The following DIAPH2 variants were observed in gnomAD, a reference collection of about 807,000 sequenced individuals.
DIAPH2 encodes protein diaphanous homolog 2.
Under a neutral mutation model 92.7 loss-of-function variants are expected in DIAPH2, and 35 were observed. That is an observed-to-expected ratio of 0.38 (90% CI 0.29 to 0.50). The LOEUF (loss-of-function observed/expected upper bound fraction) is 0.50. Ranked by LOEUF, DIAPH2 falls within the 20% of genes least tolerant of loss-of-function variation. The pLI is 0.94. For missense variants in DIAPH2, 701 were observed against 819.5 expected, an observed-to-expected ratio of 0.86 and a Z score of 1.77; for synonymous variants, 301 against 280.4, an observed-to-expected ratio of 1.07 and a Z score of -0.73.
At chrX:97,503,762 A>G (rs987197951) in intron 26 of DIAPH2, among the ~76,000 whole-genome samples, 1 of 112,128 alleles carries the variant, frequency 8.9e-6, no homozygotes, top group Non-Finnish European at 1.9e-5. Flanking sequence ...GAGCACATAT[A>G]GACCAGAAAG....
chrX:97,377,655 A>C (rs2069513278), intron 24 of DIAPH2, among the ~76,000 whole-genome samples: 2 of 111,555 alleles, frequency 1.8e-5, no homozygotes, highest in South Asian at 7.6e-4. Context: ...TTTAAACTAG[A>C]TCTCCCAGCC....
intron 9 of DIAPH2, among the ~76,000 whole-genome samples, chrX:96,926,740 A>G (rs941832609): frequency 8.1e-5 from 9 of 111,657 alleles, no homozygotes; most frequent in African/African-American, 2.9e-4. Flanking sequence ...TAGGATATAT[A>G]TGCATCTCAT....
chrX:97,166,947 T>C (rs912393506), intron 22 of DIAPH2, among the ~76,000 whole-genome samples: 4 of 112,568 alleles, frequency 3.6e-5, no homozygotes, highest in Non-Finnish European at 5.6e-5. Context: ...TAAACAGAAT[T>C]GTAAAATATG....
chrX:97,210,083 T>C (rs964089391), intron 22 of DIAPH2, among the ~76,000 whole-genome samples: 4 of 111,683 alleles, frequency 3.6e-5, no homozygotes, highest in Non-Finnish European at 7.5e-5. Flanking sequence ...TTTGTAATTA[T>C]ACTATAATAA....
intron 26 of DIAPH2, among the ~76,000 whole-genome samples, chrX:97,534,029 T>C (rs2071079038): frequency 9.0e-6 from 1 of 111,405 alleles, no homozygotes. Context: ...TCAATACTTA[T>C]GTTCACAGTC....
At chrX:97,049,623 A>T (rs1254114883) in intron 17 of DIAPH2, among the ~76,000 whole-genome samples, 1 of 111,508 alleles carries the variant, frequency 9.0e-6, no homozygotes, top group African/African-American at 3.2e-5. Context: ...TATTGAAGAA[A>T]CTAATTTCTA....
chrX:97,270,739 C>T (rs2068379662), intron 23 of DIAPH2, among the ~76,000 whole-genome samples: 2 of 111,249 alleles, frequency 1.8e-5, no homozygotes, highest in South Asian at 3.8e-4. Context: ...AACTTCCACC[C>T]ATTGATCCTA....
At chrX:96,740,800 A>G (rs1167827433) in intron 3 of DIAPH2, among the ~76,000 whole-genome samples, 1 of 111,187 alleles carries the variant, frequency 9.0e-6, no homozygotes, top group Non-Finnish European at 1.9e-5. Context: ...TGATTTGGAC[A>G]CAGAGTTCTT....
chrX:97,333,634 C>T (rs1157149141), intron 23 of DIAPH2, among the ~76,000 whole-genome samples: 1 of 109,308 alleles, frequency 9.1e-6, no homozygotes, highest in Non-Finnish European at 1.9e-5. Context: ...GTGTGATCTC[C>T]ACTCACTGTA....
At chrX:96,939,484 G>GTGTGTATATATATCTATA in intron 12 of DIAPH2, 102 bp downstream of exon 12, 1 of 152,157 alleles carries the variant, frequency 6.6e-6, no homozygotes, top group East Asian at 1.3e-4. Flanking sequence ...ATATGTGTGT[G>GTGTGTATATATATCTATA]TATGTATATA....
Position 96,742,688 on chromosome X carries a change from A to G in DIAPH2, c.342+3926A>G, listed in dbSNP as rs1488732576. Among the ~76,000 whole-genome samples the G allele has an allele frequency of 4.9e-5, 5 of 101,966 alleles. No homozygotes were observed. In the Admixed American group the frequency reaches 5.4e-4, roughly 11 times the overall value. 88.5% of individuals were successfully genotyped at this position (101,966 alleles called of 115,157 possible). A position where few individuals can be genotyped will look rare whatever the true frequency, so the allele number is the denominator to read the frequency against. ...TTTCTTTCTTTTTTTTTTTTTTGAG[A>G]TGGAGTCTCACTCTGTCATCCAGGC... On this transcript the variant is annotated intron_variant, in intron 3 of 26. Coordinates refer to ENST00000324765, the MANE Select transcript of DIAPH2 (RefSeq NM_006729.5).
intron 26 of DIAPH2, among the ~76,000 whole-genome samples, chrX:97,552,820 T>A (rs2071230076): frequency 8.9e-6 from 1 of 111,953 alleles, no homozygotes; most frequent in Admixed American, 9.5e-5. Context: ...TGCCATAGAC[T>A]TGGTGGCTTA....
At chrX:97,391,591 A>C (rs928557790) in intron 25 of DIAPH2, among the ~76,000 whole-genome samples, 1 of 111,594 alleles carries the variant, frequency 9.0e-6, no homozygotes, top group Admixed American at 9.6e-5. Context: ...GAAATTACAA[A>C]TAACTTTTTA....
At chrX:97,038,827 T>G (rs1235166044) in intron 17 of DIAPH2, among the ~76,000 whole-genome samples, 1 of 111,848 alleles carries the variant, frequency 8.9e-6, no homozygotes, top group Non-Finnish European at 1.9e-5. Flanking sequence ...CTTGCTGATT[T>G]ATTTACTAAG....
intron 17 of DIAPH2, among the ~76,000 whole-genome samples, chrX:97,067,167 CAT>C (rs763268486): frequency 6.3e-5 from 7 of 111,853 alleles, no homozygotes; most frequent in Admixed American, 3.8e-4. Context: ...TTGGTGAACA[CAT>C]GTGTTATTCC....
At chrX:97,446,882 AGAAGCTCAATTTC>A (rs1362799016) in intron 26 of DIAPH2, among the ~76,000 whole-genome samples, 2 of 110,335 alleles carry the variant, frequency 1.8e-5, no homozygotes, top group Non-Finnish European at 3.8e-5. Flanking sequence ...AAACTATGAA[AGAAGCTCAATTTC>A]GAAGTATGGC....
At chrX:97,500,189 T>C (rs1403339925) in intron 26 of DIAPH2, among the ~76,000 whole-genome samples, 1 of 111,912 alleles carries the variant, frequency 8.9e-6, no homozygotes, top group Non-Finnish European at 1.9e-5. Context: ...TGTTTACTGC[T>C]CATGGGTTCC....
intron 22 of DIAPH2, among the ~76,000 whole-genome samples, chrX:97,235,303 C>T (rs965969333): frequency 8.9e-6 from 1 of 111,871 alleles, no homozygotes; most frequent in African/African-American, 3.2e-5. Context: ...GAGAAGAAGA[C>T]GTTTTGAAAA....
At chrX:97,108,081 A>T (rs1265550928) in intron 20 of DIAPH2, among the ~76,000 whole-genome samples, 2 of 110,523 alleles carry the variant, frequency 1.8e-5, no homozygotes, top group East Asian at 5.7e-4. Context: ...AAGTGTGTAA[A>T]ATTCAAATTA....
Sources: gnomAD v4.1 joint callset for allele counts (sites outside exome capture counted in the v4.1 genomes callset) on GRCh38, gnomAD v4.1.1 for gene constraint, MANE v1.5 for transcripts, NCBI Gene and HGNC (gene_info 2026-07-23, HGNC 2026-07-21) for gene names.